The following EVL variants were observed in gnomAD, a reference collection of about 807,000 sequenced individuals.
EVL encodes Enah/Vasp-like.
A neutral mutation model predicts 59.6 loss-of-function variants in EVL; 21 were observed. The ratio of observed to expected loss-of-function variants is 0.35; its 90% confidence interval spans 0.25 to 0.51. The LOEUF (loss-of-function observed/expected upper bound fraction) is 0.51. Among genes scored for constraint, EVL ranks in the 20% least tolerant of loss-of-function variants. The pLI is 0.97. For synonymous variants in EVL, 198 were observed against 203.5 expected (o/e 0.97, Z 0.23); for missense variants, 462 against 546.6 (o/e 0.85, Z 1.54).
At chr14:100,126,647 CAG>C (rs1888090623) in intron 4 of EVL, 58 bp from the exon 5 acceptor site, 21 of 1,585,870 alleles carry the variant, frequency 1.3e-5, no homozygotes, top group Middle Eastern at 1.7e-4. Flanking sequence ...AGCACAGGCA[CAG>C]AGTGTGGTGG....
chr14:100,093,825 G>A (rs1000686724), intron 2 of EVL, among the ~76,000 whole-genome samples: 1 of 152,114 alleles, frequency 6.6e-6, no homozygotes, highest in Non-Finnish European at 1.5e-5. Flanking sequence ...GCTTTCTGAG[G>A]TTTCACATAC....
chr14:100,121,036 C>T (rs565731394), intron 3 of EVL, among the ~76,000 whole-genome samples: 3 of 152,308 alleles, frequency 2.0e-5, no homozygotes, highest in East Asian at 1.9e-4. Context: ...GCTCGGGCGA[C>T]GAGAGGTGGC....
At chr14:100,003,411 T>A (rs1012452920) in intron 1 of EVL, among the ~76,000 whole-genome samples, 5 of 152,112 alleles carry the variant, frequency 3.3e-5, no homozygotes, top group African/African-American at 1.2e-4. Context: ...TTTTATTATT[T>A]TTTATTTTTA....
At chr14:100,073,076 G>A (rs569055275) in intron 1 of EVL, among the ~76,000 whole-genome samples, 9 of 152,248 alleles carry the variant, frequency 5.9e-5, no homozygotes, top group Admixed American at 2.0e-4. Context: ...ACATGGCAAC[G>A]TGGGTGTGCT....
chr14:100,053,300 G>T (rs150244185), intron 1 of EVL, among the ~76,000 whole-genome samples: 1 of 151,412 alleles, frequency 6.6e-6, no homozygotes, highest in Non-Finnish European at 1.5e-5. Context: ...TTCTCATTTC[G>T]CCTTCTAATG....
intron 1 of EVL, among the ~76,000 whole-genome samples, chr14:99,991,185 A>G (rs2060873730): frequency 6.6e-6 from 1 of 152,196 alleles, no homozygotes; most frequent in Non-Finnish European, 1.5e-5. Context: ...CTTAGTGAAT[A>G]GTAAATATAT....
intron 1 of EVL, among the ~76,000 whole-genome samples, chr14:100,030,199 C>G (rs1317731283): frequency 6.6e-6 from 1 of 150,682 alleles, no homozygotes; most frequent in African/African-American, 2.4e-5. Flanking sequence ...TTCAGTAATT[C>G]ACCTACCGCA....
chr14:99,983,790 T>C (rs1028399566), intron 1 of EVL, among the ~76,000 whole-genome samples: 15 of 152,234 alleles, frequency 9.9e-5, no homozygotes, highest in African/African-American at 3.1e-4. Context: ...TCAAATCTTA[T>C]TTGAAACATC....
chr14:100,007,689 A>G (rs2060991783), intron 1 of EVL, among the ~76,000 whole-genome samples: 1 of 152,224 alleles, frequency 6.6e-6, no homozygotes, highest in African/African-American at 2.4e-5. Flanking sequence ...GAGGCACTCC[A>G]GCGGGGAGGT....
intron 1 of EVL, chr14:100,019,819 G>T (rs1027099968): frequency 1.8e-5 from 16 of 874,570 alleles, no homozygotes; most frequent in Admixed American, 2.7e-5. Context: ...TTGTGGTGGG[G>T]TTTATCCCAG....
intron 1 of EVL, among the ~76,000 whole-genome samples, chr14:99,986,664 T>C (rs2060842195): frequency 6.6e-6 from 1 of 152,202 alleles, no homozygotes; most frequent in Admixed American, 6.5e-5. Context: ...GACTATGAAT[T>C]GAAGACATGG....
At chr14:100,044,214 T>TG (rs1166861906) in intron 1 of EVL, among the ~76,000 whole-genome samples, 2 of 152,150 alleles carry the variant, frequency 1.3e-5, no homozygotes, top group East Asian at 1.9e-4. Flanking sequence ...AAAAGGGGGT[T>TG]GGGGGATTCA....
chr14:100,099,743 T>TTA (rs1555358124), intron 3 of EVL, among the ~76,000 whole-genome samples: 10 of 147,420 alleles, frequency 6.8e-5, no homozygotes, highest in South Asian at 4.2e-4. Context: ...TTTTTTTTTT[T>TTA]AATTTTATTT....
chr14:100,051,097 T>C (rs1057039318), intron 1 of EVL, among the ~76,000 whole-genome samples: 1 of 152,210 alleles, frequency 6.6e-6, no homozygotes, highest in African/African-American at 2.4e-5. Context: ...TCCACGGTTT[T>C]GCTTTTCACT....
At chr14:100,137,827 A>G (rs374313404) in intron 11 of EVL, 25 bp downstream of exon 11, 11 of 1,612,344 alleles carry the variant, frequency 6.8e-6, no homozygotes, top group Non-Finnish European at 9.3e-6. Flanking sequence ...TCCTGCTCAC[A>G]TGTCCCCCAG....
chr14:100,014,542 C>G (rs369611910), intron 1 of EVL, among the ~76,000 whole-genome samples: 2 of 152,264 alleles, frequency 1.3e-5, no homozygotes. Flanking sequence ...TTGATGGGTA[C>G]TTAGGTTGCT....
intron 1 of EVL, among the ~76,000 whole-genome samples, chr14:100,027,447 A>C (rs113146328): frequency 4.0e-5 from 6 of 151,746 alleles, no homozygotes; most frequent in Admixed American, 6.6e-5. Context: ...TCTACTCTCT[A>C]TCTCCATGAC....
Position 100,049,573 on chromosome 14 carries a change from A to G in EVL, c.6-35114A>G, listed in dbSNP as rs140012750. ...AGTCTCAAAATTCTCCTGTTACTTC[A>G]TAACCCAGTTGGAAGCATTTATATT... On this transcript the variant is annotated intron_variant, in intron 1 of 13. Transcript: ENST00000402714. 3.1e-3 allele frequency among the ~76,000 whole-genome samples: 477 copies of G among 152,336 alleles called. 3 individuals carry two copies. The highest frequency in any genetic ancestry group is 0.011 in the African/African-American group (448 of 41,574).
intron 1 of EVL, among the ~76,000 whole-genome samples, chr14:100,006,283 CT>C (rs1195149750): frequency 0.14 from 18,678 of 132,102 alleles, 1,001 homozygotes; most frequent in Non-Finnish European, 0.16. Flanking sequence ...GGTTGTTAAT[CT>C]TTTTTTTTTT....
Sources: gnomAD v4.1 joint callset for allele counts (sites outside exome capture counted in the v4.1 genomes callset) on GRCh38, gnomAD v4.1.1 for gene constraint, MANE v1.5 for transcripts, NCBI Gene and HGNC (gene_info 2026-07-23, HGNC 2026-07-21) for gene names.